The following PABPC4L variants were observed in gnomAD, a reference collection of about 807,000 sequenced individuals.
PABPC4L encodes the protein polyadenylate-binding protein 4-like.
For synonymous variants in PABPC4L, 169 were observed against 164.1 expected (o/e 1.03, Z -0.23); for missense variants, 452 against 451.4 (o/e 1.00, Z -0.01).
At chr4:134,099,549 T>C in the PABPC4L span, among the ~76,000 whole-genome samples, 1 of 151,774 alleles carries the variant, frequency 6.6e-6, no homozygotes, top group Non-Finnish European at 1.5e-5. Flanking sequence ...TGCTACTTTT[T>C]ATTTCCAATG....
At position 134,196,810 on chromosome 4, in the gene PABPC4L, CTGTCT is replaced by C. The variant is rs1303160004; in HGVS notation, c.*3092_*3096del. On this transcript the variant is annotated 3_prime_UTR_variant, in exon 2 of 2. Coordinates refer to ENST00000421491, the MANE Select transcript of PABPC4L (RefSeq NM_001114734.2). ...AGGATTGTATATTTTTGTAAACTGA[CTGTCT>C]TTTTTTTTTTTACAGCAAATGCTGG... The C allele has an allele frequency of 2.2e-5, 2 of 89,948 alleles. No homozygotes were observed. Among genetic ancestry groups the C allele is most frequent in the African/African-American group, 4.9e-5 (1 of 20,538 alleles). The allele number at this position is 89,948 out of a possible 1,614,324, so 5.6% of individuals were successfully genotyped here. A position where few individuals can be genotyped will look rare whatever the true frequency, so the allele number is the denominator to read the frequency against.
At chr4:134,006,843 T>C in the PABPC4L span, among the ~76,000 whole-genome samples, 9 of 151,978 alleles carry the variant, frequency 5.9e-5, no homozygotes, top group Middle Eastern at 3.4e-3. Context: ...GTTTTACTTA[T>C]GTTTTCCAAT....
the PABPC4L span, among the ~76,000 whole-genome samples, chr4:134,091,844 G>A: frequency 6.6e-6 from 1 of 151,978 alleles, no homozygotes; most frequent in South Asian, 2.1e-4. Flanking sequence ...TTGAATTCAT[G>A]GAATAAATGC....
the PABPC4L span, among the ~76,000 whole-genome samples, chr4:133,990,944 C>G: frequency 1.3e-5 from 2 of 152,088 alleles, no homozygotes; most frequent in Admixed American, 6.6e-5. Flanking sequence ...AAGTTTTCAT[C>G]TTTCATATAA....
the PABPC4L span, among the ~76,000 whole-genome samples, chr4:134,125,496 T>A: frequency 1.3e-5 from 2 of 152,142 alleles, no homozygotes; most frequent in African/African-American, 4.8e-5. Flanking sequence ...TTCTTGGATG[T>A]ACATTTTGCT....
the PABPC4L span, among the ~76,000 whole-genome samples, chr4:134,053,859 GTAA>G: frequency 6.6e-6 from 1 of 151,880 alleles, no homozygotes; most frequent in Non-Finnish European, 1.5e-5. Context: ...ATGACGAAAA[GTAA>G]TTCTGAGTCT....
the PABPC4L span, among the ~76,000 whole-genome samples, chr4:134,072,962 G>A: frequency 6.6e-6 from 1 of 151,980 alleles, no homozygotes; most frequent in Non-Finnish European, 1.5e-5. Flanking sequence ...TGACACATAA[G>A]GATTATGAGA....
the PABPC4L span, among the ~76,000 whole-genome samples, chr4:133,953,099 T>G: frequency 2.6e-5 from 4 of 152,136 alleles, no homozygotes; most frequent in African/African-American, 9.7e-5. Flanking sequence ...ACCCCTATTC[T>G]CCATCAAAAT....
the PABPC4L span, among the ~76,000 whole-genome samples, chr4:134,092,369 G>C: frequency 6.6e-6 from 1 of 151,866 alleles, no homozygotes; most frequent in Non-Finnish European, 1.5e-5. Flanking sequence ...GTTCAGGAAG[G>C]TTATCTTCCC....
chr4:134,105,351 AAC>A, the PABPC4L span, among the ~76,000 whole-genome samples: 1 of 151,742 alleles, frequency 6.6e-6, no homozygotes, highest in Admixed American at 6.6e-5. Context: ...AAACATTTGA[AAC>A]ATGCATGGTT....
the PABPC4L span, among the ~76,000 whole-genome samples, chr4:134,174,589 A>G: frequency 6.6e-6 from 1 of 152,260 alleles, no homozygotes; most frequent in African/African-American, 2.4e-5. Flanking sequence ...ATGTGATATA[A>G]CACTGATCAA....
the PABPC4L span, among the ~76,000 whole-genome samples, chr4:133,996,067 C>T: frequency 6.6e-6 from 1 of 152,142 alleles, no homozygotes; most frequent in Non-Finnish European, 1.5e-5. Context: ...AAGACAGGGT[C>T]CCATAGCTGT....
chr4:133,991,090 C>T, the PABPC4L span, among the ~76,000 whole-genome samples: 1 of 152,140 alleles, frequency 6.6e-6, no homozygotes. Context: ...GTGATTATAA[C>T]TTGTATTCTG....
chr4:134,126,983 G>A, the PABPC4L span, among the ~76,000 whole-genome samples: 5 of 152,198 alleles, frequency 3.3e-5, no homozygotes, highest in Admixed American at 6.5e-5. Context: ...CCGTATGGGC[G>A]CAGGGTGAGG....
At chr4:134,038,954 G>A in the PABPC4L span, among the ~76,000 whole-genome samples, 6 of 152,092 alleles carry the variant, frequency 3.9e-5, no homozygotes, top group Non-Finnish European at 7.4e-5. Context: ...TCTCTTGTAG[G>A]CATTTAGTGC....
chr4:133,994,322 C>T, the PABPC4L span, among the ~76,000 whole-genome samples: 1 of 152,016 alleles, frequency 6.6e-6, no homozygotes, highest in Non-Finnish European at 1.5e-5. Context: ...CTTGAGAGAG[C>T]CACATTAAGG....
the PABPC4L span, among the ~76,000 whole-genome samples, chr4:134,047,808 A>AG: frequency 3.1e-5 from 2 of 64,422 alleles, no homozygotes; most frequent in Admixed American, 1.9e-4. Flanking sequence ...CAGCTGCACC[A>AG]GGGTTTTTTT....
the PABPC4L span, among the ~76,000 whole-genome samples, chr4:134,078,656 T>G: frequency 6.7e-6 from 1 of 150,198 alleles, no homozygotes; most frequent in Admixed American, 6.6e-5. Flanking sequence ...TGTAGCTTTT[T>G]TTTTTTTTTT....
chr4:134,180,991 A>G, the PABPC4L span, among the ~76,000 whole-genome samples: 1 of 152,044 alleles, frequency 6.6e-6, no homozygotes, highest in Non-Finnish European at 1.5e-5. Flanking sequence ...AACTATTCCA[A>G]AAAATTGAGG....
Sources: allele counts gnomAD v4.1 joint callset (sites outside exome capture counted in the v4.1 genomes callset), GRCh38; gene constraint gnomAD v4.1.1; transcripts MANE v1.5; gene names NCBI Gene and HGNC (gene_info 2026-07-23, HGNC 2026-07-21).